Variants in CEP290 observed in about 807,000 individuals in gnomAD.
The protein encoded by CEP290 is centrosomal protein of 290 kDa.
In CEP290, 317 loss-of-function variants were observed where a neutral mutation model predicts 344.9. The observed-to-expected ratio is 0.92, with a 90% CI of 0.84 to 1.01. The LOEUF (loss-of-function observed/expected upper bound fraction) is 1.01, where lower values mean the gene tolerates loss of function less well. Among genes scored for constraint, CEP290 ranks in the 50% least tolerant of loss-of-function variants. CEP290 has a pLI of 0.00. For synonymous variants in CEP290, 932 were observed against 895.8 expected (o/e 1.04, Z -0.72); for missense variants, 2,754 against 2,761.4 (o/e 1.00, Z 0.06).
At position 88,129,787 on chromosome 12, in the gene CEP290, C is replaced by T. The variant is rs1304212721; in HGVS notation, c.759G>A (p.Met253Ile). 6.8e-7 allele frequency: 1 copy of T among 1,481,412 alleles called. No individual in the cohort carries two copies. The allele number at this position is 1,481,412 out of a possible 1,614,324, so 91.8% of individuals were successfully genotyped here. A position where few individuals can be genotyped will look rare whatever the true frequency, so the allele number is the denominator to read the frequency against. The part of the protein sequence containing the change: ...LEESVQEMEK[M>I]TDEYNRMKAI... ...CTTTCATTCTATTATATTCATCAGT[C>T]ATCTTCTCCATTTCCTGTACAGACT... The change falls in exon 10 of 54, where the codon ATG becomes ATA. Residue 253 changes from methionine to isoleucine, a missense_variant. Transcript: ENST00000552810.
chr12:88,050,261 G>T (rs1234710393), intron 53 of CEP290, 93 bp downstream of exon 53: 1 of 656,564 alleles, frequency 1.5e-6, no homozygotes, highest in East Asian at 2.9e-5. Context: ...TGTTATTACT[G>T]AATTTTTTAG....
At chr12:88,115,701 A>G (rs1320042118) in intron 18 of CEP290, 22 of 998,206 alleles carry the variant, frequency 2.2e-5, no homozygotes, top group Non-Finnish European at 2.8e-5. Context: ...TATAATTGTT[A>G]CAGAACTTTG....
At position 88,083,973 on chromosome 12, in the gene CEP290, AAACT is replaced by A. The variant is rs1565834489; in HGVS notation, c.4705-23_4705-20del. 1 of 1,427,088 alleles carries A rather than the reference AAACT, an allele frequency of 7.0e-7. No homozygotes were observed. The highest frequency in any genetic ancestry group is 2.3e-5 in the East Asian group (1 of 42,832). 88.4% of individuals were successfully genotyped at this position (1,427,088 alleles called of 1,614,324 possible). ...TTTGCTCCTGTTTTACAGAAAATCG[AAACT>A]ATATCTTAAATTGTGATTAAAACAA... On this transcript the variant is annotated intron_variant, in intron 35 of 53. Coordinates refer to ENST00000552810, the MANE Select transcript of CEP290 (RefSeq NM_025114.4).
In CEP290 at chr12:88,120,161, T is replaced by C; in HGVS notation, c.1475A>G (p.Lys492Arg). ...ATTTTCATCAAGGAAATCACTGATC[T>C]TCAATTCAAGTTTATTGATTTCCTT... The part of the protein sequence containing the change: ...LTKEINKLEL[K>R]ISDFLDENEA... The change falls in exon 15 of 54, where the codon AAG becomes AGG. Residue 492 changes from lysine (K) to arginine (R), a missense_variant. Transcript: ENST00000552810. 2 of 1,541,798 alleles carry C rather than the reference T, an allele frequency of 1.3e-6. No individual in the cohort carries two copies. Among genetic ancestry groups the C allele is most frequent in the Admixed American group, 2.0e-5 (1 of 50,750 alleles).
At position 88,094,670 on chromosome 12, in the gene CEP290, TGA is replaced by T. The variant is rs1244867558; in HGVS notation, c.3104-697_3104-696del. On this transcript the variant is annotated intron_variant, in intron 27 of 53. Coordinates refer to ENST00000552810, the MANE Select transcript of CEP290 (RefSeq NM_025114.4). ...CATAGGAGTGTCATTAGTCATTTTT[TGA>T]GGGGGGGGGAAGAAAACATACTTTT... 1.0e-3 allele frequency among the ~76,000 whole-genome samples: 32 copies of T among 31,554 alleles called. No homozygotes were observed. In the East Asian group the frequency reaches 0.16, roughly 161 times the overall value. 20.7% of individuals were successfully genotyped at this position (31,554 alleles called of 152,430 possible).
At chr12:88,138,149 C>T (rs2040444375) in intron 5 of CEP290, among the ~76,000 whole-genome samples, 1 of 152,184 alleles carries the variant, frequency 6.6e-6, no homozygotes, top group African/African-American at 2.4e-5. Context: ...CCTTCGACCT[C>T]ACAGGACACT....
At chr12:88,136,259 A>C (rs1319695106) in intron 6 of CEP290, 2 of 190,410 alleles carry the variant, frequency 1.1e-5, no homozygotes, top group Non-Finnish European at 2.2e-5. Flanking sequence ...TCTACTAATC[A>C]TATAAATACA....
chr12:88,096,046 AC>A (rs2037400814), intron 27 of CEP290, among the ~76,000 whole-genome samples: 2 of 72,004 alleles, frequency 2.8e-5, no homozygotes, highest in Non-Finnish European at 6.8e-5. Context: ...GATGAATAAA[AC>A]AAATTTTTTT....
chr12:88,071,982 T>C, intron 41 of CEP290, 56 bp from the exon 42 acceptor site: 5 of 1,427,326 alleles, frequency 3.5e-6, no homozygotes, highest in Non-Finnish European at 4.7e-6. Context: ...AAATTTTCTT[T>C]ATGATTTATC....
At position 88,140,834 on chromosome 12, in the gene CEP290, G is replaced by A. The variant is rs1056929519; in HGVS notation, c.180+122C>T. 8.1e-6 allele frequency: 5 copies of A among 614,294 alleles called. No homozygotes were observed. The Admixed American group carries it at 1.9e-4, about 23-fold the overall frequency. 38.1% of individuals were successfully genotyped at this position (614,294 alleles called of 1,614,324 possible). On this transcript the variant is annotated intron_variant, in intron 3 of 53. Coordinates refer to ENST00000552810, the MANE Select transcript of CEP290 (RefSeq NM_025114.4). ...TACTTAATTCACATTTAAATATATT[G>A]CATTTTTTAGTGGTGATGTAGATAT...
At chr12:88,053,578 CAAAAA>C (rs372674637) in intron 52 of CEP290, 69 bp downstream of exon 52, 298 of 567,334 alleles carry the variant, frequency 5.3e-4, no homozygotes, top group South Asian at 9.3e-4. Context: ...AAATCTGAGC[CAAAAA>C]AAAAAAAAAA....
intron 13 of CEP290, among the ~76,000 whole-genome samples, chr12:88,124,182 A>C (rs1226416817): frequency 1.3e-5 from 2 of 152,108 alleles, no homozygotes; most frequent in Non-Finnish European, 2.9e-5. Flanking sequence ...CTTCTCACTT[A>C]AAAGCCAAGT....
intron 49 of CEP290, among the ~76,000 whole-genome samples, chr12:88,056,250 A>G (rs2033992155): frequency 6.6e-6 from 1 of 152,070 alleles, no homozygotes; most frequent in Non-Finnish European, 1.5e-5. Context: ...TAAAGAAATG[A>G]TTAATAGTTC....
chr12:88,097,606 C>CAT (rs1555213414), intron 26 of CEP290, among the ~76,000 whole-genome samples: 1 of 98,718 alleles, frequency 1.0e-5, no homozygotes, highest in Non-Finnish European at 2.2e-5. Flanking sequence ...CACACACACA[C>CAT]ACATACACAC....
chr12:88,067,719 TA>T (rs1056247849), intron 44 of CEP290, among the ~76,000 whole-genome samples: 2 of 152,212 alleles, frequency 1.3e-5, no homozygotes, highest in African/African-American at 4.8e-5. Context: ...AAAAGGGAGT[TA>T]AAATCTGCCA....
At chr12:88,115,733 A>G (rs2038999760) in intron 18 of CEP290, 1 of 926,854 alleles carries the variant, frequency 1.1e-6, no homozygotes, top group Non-Finnish European at 1.3e-6. Context: ...ATAAAAGAAC[A>G]ACCACAGAAA....
At chr12:88,090,049 T>C (rs77842063) in intron 30 of CEP290, among the ~76,000 whole-genome samples, 7,548 of 152,006 alleles carry the variant, frequency 0.05, 637 homozygotes, top group African/African-American at 0.17. Flanking sequence ...TTAACCTCCA[T>C]TGCAAGTAAC....
At chr12:88,097,997 C>T (rs1361343047) in intron 26 of CEP290, among the ~76,000 whole-genome samples, 4 of 152,042 alleles carry the variant, frequency 2.6e-5, no homozygotes, top group Admixed American at 1.3e-4. Flanking sequence ...AGTAAACAAA[C>T]AAAAAGTCTA....
In CEP290 at chr12:88,111,130, A is replaced by G. The variant is rs1211206599; in HGVS notation, c.2367+72T>C. ...AAGTAAAATAAAAATAAAAACATAA[A>G]GAAACATACTACCAATGATTTTTGT... On this transcript the variant is annotated intron_variant, in intron 22 of 53. Coordinates refer to ENST00000552810, the MANE Select transcript of CEP290 (RefSeq NM_025114.4). 3.5e-6 allele frequency: 3 copies of G among 847,162 alleles called. No individual in the cohort carries two copies. The Admixed American group carries it at 1.3e-4, about 35-fold the overall frequency. 52.5% of individuals were successfully genotyped at this position (847,162 alleles called of 1,614,324 possible).
Sources: allele counts gnomAD v4.1 joint callset (sites outside exome capture counted in the v4.1 genomes callset), GRCh38; gene constraint gnomAD v4.1.1; transcripts MANE v1.5; gene names NCBI Gene and HGNC (gene_info 2026-07-23, HGNC 2026-07-21).